Variants in CSMD3 observed in about 807,000 individuals in gnomAD.
The protein encoded by CSMD3 is CUB and Sushi multiple domains 3.
A neutral mutation model predicts 435.2 loss-of-function variants in CSMD3; 177 were observed. The observed-to-expected ratio is 0.41, with a 90% confidence interval of 0.36 to 0.46. The LOEUF (loss-of-function observed/expected upper bound fraction) is 0.46. Ranked by LOEUF, CSMD3 falls within the 20% of genes least tolerant of loss-of-function variation. The probability of loss-of-function intolerance (pLI) is 0.34; values close to 1 mark genes in which losing one functional copy is unlikely to be tolerated. For missense variants in CSMD3, 4,265 were observed against 4,504.6 expected (o/e 0.95, Z 1.52); for synonymous variants, 1,656 against 1,520.5 (o/e 1.09, Z -2.07).
At chr8:113,221,011 T>C (rs1389505909) in intron 3 of CSMD3, among the ~76,000 whole-genome samples, 1 of 151,376 alleles carries the variant, frequency 6.6e-6, no homozygotes, top group East Asian at 1.9e-4. Context: ...AAGTATGTTC[T>C]TCAGAAATAT....
chr8:112,936,670 C>A (rs1373373370), intron 9 of CSMD3, among the ~76,000 whole-genome samples: 1 of 152,020 alleles, frequency 6.6e-6, no homozygotes, highest in Non-Finnish European at 1.5e-5. Context: ...TTTTATAGAA[C>A]TGAAATTACT....
chr8:112,846,592 T>C (rs1232622953), intron 11 of CSMD3, among the ~76,000 whole-genome samples: 1 of 151,796 alleles, frequency 6.6e-6, no homozygotes, highest in Admixed American at 6.6e-5. Flanking sequence ...AATTGTTTTG[T>C]AGAAAAAGGG....
At chr8:113,178,770 G>T (rs1016702147) in intron 3 of CSMD3, among the ~76,000 whole-genome samples, 5 of 151,800 alleles carry the variant, frequency 3.3e-5, no homozygotes, top group Admixed American at 6.6e-5. Context: ...ATTAGGTTTG[G>T]CAATACAATG....
At chr8:112,716,804 C>T (rs7814543) in intron 13 of CSMD3, among the ~76,000 whole-genome samples, 50,607 of 151,926 alleles carry the variant, frequency 0.33, 9,294 homozygotes, top group African/African-American at 0.5. Context: ...TCTACAAACA[C>T]GACAAAAGCA....
intron 1 of CSMD3, among the ~76,000 whole-genome samples, chr8:113,331,147 C>T (rs1038055190): frequency 9.3e-5 from 14 of 151,328 alleles, no homozygotes; most frequent in Non-Finnish European, 3.0e-5. Flanking sequence ...CCAGCCTTAA[C>T]GAAATAAGGG....
At chr8:112,820,472 G>A (rs73702228) in intron 12 of CSMD3, among the ~76,000 whole-genome samples, 2,017 of 151,620 alleles carry the variant, frequency 0.013, 45 homozygotes, top group African/African-American at 0.046. Flanking sequence ...TTACAAAAAC[G>A]GCTAAATCTG....
intron 27 of CSMD3, among the ~76,000 whole-genome samples, chr8:112,527,962 T>G (rs1222240642): frequency 6.6e-6 from 1 of 152,146 alleles, no homozygotes; most frequent in Non-Finnish European, 1.5e-5. Context: ...CAGAAGAGAA[T>G]TTAGAATACA....
chr8:113,136,696 T>G (rs1038298783), intron 4 of CSMD3, among the ~76,000 whole-genome samples: 1 of 151,692 alleles, frequency 6.6e-6, no homozygotes, highest in Non-Finnish European at 1.5e-5. Context: ...AGCAAGCATT[T>G]ACTATTTTCA....
intron 10 of CSMD3, among the ~76,000 whole-genome samples, chr8:112,906,931 C>T (rs751723708): frequency 6.6e-6 from 1 of 151,430 alleles, no homozygotes; most frequent in Non-Finnish European, 1.5e-5. Context: ...GGGTACGCTG[C>T]TGAATTATAA....
chr8:112,871,190 C>A (rs1204416682), intron 10 of CSMD3, among the ~76,000 whole-genome samples: 1 of 152,122 alleles, frequency 6.6e-6, no homozygotes, highest in Non-Finnish European at 1.5e-5. Flanking sequence ...CAGATGTATA[C>A]TCTTTGAATG....
At chr8:113,051,381 A>T (rs940369557) in intron 5 of CSMD3, among the ~76,000 whole-genome samples, 17 of 152,232 alleles carry the variant, frequency 1.1e-4, no homozygotes, top group Non-Finnish European at 1.9e-4. Context: ...TATTTGTCAA[A>T]TTATATATAC....
chr8:112,829,253 A>C (rs971785701), intron 12 of CSMD3, among the ~76,000 whole-genome samples: 24 of 152,138 alleles, frequency 1.6e-4, no homozygotes, highest in African/African-American at 5.1e-4. Flanking sequence ...TGATTCACTA[A>C]GTTCGGCTTG....
At chr8:113,241,927 A>G (rs1288514440) in intron 3 of CSMD3, among the ~76,000 whole-genome samples, 1 of 151,210 alleles carries the variant, frequency 6.6e-6, no homozygotes, top group Non-Finnish European at 1.5e-5. Flanking sequence ...GTGCAAGAAA[A>G]CTGTTTATAT....
chr8:112,405,540 T>G (rs1231408888), intron 35 of CSMD3, among the ~76,000 whole-genome samples: 1 of 151,568 alleles, frequency 6.6e-6, no homozygotes, highest in Non-Finnish European at 1.5e-5. Context: ...TATTAAGATA[T>G]CCATAATTTT....
chr8:112,343,745 A>T (rs573508660), intron 41 of CSMD3, among the ~76,000 whole-genome samples: 113 of 152,220 alleles, frequency 7.4e-4, no homozygotes, highest in African/African-American at 2.6e-3. Flanking sequence ...TCCGGTACTC[A>T]AGCAGTCCTT....
At chr8:112,883,774 GATATTGTAATTATTTC>G (rs1397526458) in intron 10 of CSMD3, among the ~76,000 whole-genome samples, 2 of 151,798 alleles carry the variant, frequency 1.3e-5, no homozygotes, top group African/African-American at 4.8e-5. Flanking sequence ...TCTCTTCCAG[GATATTGTAATTATTTC>G]ATATGTCTGT....
intron 22 of CSMD3, among the ~76,000 whole-genome samples, chr8:112,600,236 A>G (rs947458957): frequency 6.6e-6 from 1 of 152,210 alleles, no homozygotes; most frequent in Non-Finnish European, 1.5e-5. Flanking sequence ...ATAATAAAAA[A>G]TGCTACCAAA....
chr8:113,041,304 AG>A (rs1423055672), intron 5 of CSMD3, among the ~76,000 whole-genome samples: 1 of 151,718 alleles, frequency 6.6e-6, no homozygotes, highest in Non-Finnish European at 1.5e-5. Context: ...TCTGTACATT[AG>A]GGGTGGGGAA....
intron 35 of CSMD3, among the ~76,000 whole-genome samples, chr8:112,400,232 G>C (rs1831203021): frequency 6.6e-6 from 1 of 152,102 alleles, no homozygotes; most frequent in Admixed American, 6.6e-5. Context: ...TATCTGATGA[G>C]GGCCCTTTTC....
Sources: gnomAD v4.1 joint callset for allele counts (sites outside exome capture counted in the v4.1 genomes callset) on GRCh38, gnomAD v4.1.1 for gene constraint, MANE v1.5 for transcripts, NCBI Gene and HGNC (gene_info 2026-07-23, HGNC 2026-07-21) for gene names.